Variants in ELOF1 observed in about 807,000 individuals in gnomAD.
ELOF1 encodes transcription elongation factor 1 homolog.
A neutral mutation model predicts 7.1 loss-of-function variants in ELOF1; 4 were observed. That is an observed-to-expected ratio of 0.56 (90% confidence interval 0.28 to 1.29). The LOEUF (loss-of-function observed/expected upper bound fraction) is 1.29, where lower values mean the gene tolerates loss of function less well. Ranked by LOEUF, ELOF1 falls within the 50% of genes most tolerant of loss-of-function variation. The probability of loss-of-function intolerance (pLI) is 0.10; values close to 1 mark genes in which losing one functional copy is unlikely to be tolerated. For synonymous variants in ELOF1, 31 were observed against 31.9 expected (o/e 0.97, Z 0.09); for missense variants, 59 against 86.3 (o/e 0.68, Z 1.25).
In ELOF1 at chr19:11,553,759, G is replaced by A. The variant is rs372431965; in HGVS notation, c.187+252C>T. On this transcript the variant is annotated intron_variant, in intron 3 of 3. Transcript: ENST00000586683. Reference sequence around the variant, plus strand: ...TCCTCTGTGTCGCTACTGATTGGCCGCCTCGCAGGCGTCTATCCAATCACT... The same window carrying A: ...TCCTCTGTGTCGCTACTGATTGGCCACCTCGCAGGCGTCTATCCAATCACT... 55 of 1,614,070 alleles carry A rather than the reference G, an allele frequency of 3.4e-5. 1 individual carries two copies. The highest frequency in any genetic ancestry group is 2.7e-4 in the South Asian group (25 of 91,096).
intron 1 of ELOF1, among the ~76,000 whole-genome samples, chr19:11,558,282 AT>A (rs1298068121): frequency 6.6e-6 from 1 of 151,822 alleles, no homozygotes; most frequent in African/African-American, 2.4e-5. Context: ...CGCCCAGCTA[AT>A]TTTTGTATTT....
At chr19:11,557,037 T>C (rs778144765) in intron 1 of ELOF1, among the ~76,000 whole-genome samples, 12 of 152,218 alleles carry the variant, frequency 7.9e-5, no homozygotes, top group Non-Finnish European at 8.8e-5. Context: ...CTTCCAGCTA[T>C]GATCCTTTTC....
intron 3 of ELOF1, 42 bp from the exon 4 acceptor site, chr19:11,553,852 C>G (rs1243278772): frequency 6.2e-7 from 1 of 1,613,194 alleles, no homozygotes; most frequent in South Asian, 1.1e-5. Flanking sequence ...CATTGGAACC[C>G]TGCCCTGCAT....
chr19:11,558,015 T>C (rs1017211685), intron 1 of ELOF1, among the ~76,000 whole-genome samples: 3 of 152,124 alleles, frequency 2.0e-5, no homozygotes, highest in African/African-American at 7.2e-5. Context: ...CAGACTCTGA[T>C]CTATCTGCCT....
exon 2 of ELOF1, chr19:11,554,311 T>G (rs140836187): frequency 6.2e-7 from 1 of 1,613,820 alleles, no homozygotes; most frequent in African/African-American, 1.3e-5. Flanking sequence ...ATCTTCTTCT[T>G]GGGAGGCGGC....
chr19:11,555,554 T>C (rs1333600751), intron 1 of ELOF1: 1 of 152,408 alleles, frequency 6.6e-6, no homozygotes, highest in Admixed American at 6.6e-5. Flanking sequence ...GGTTATCTGA[T>C]GGCCTCGATC....
chr19:11,558,121 TTCC>T (rs1480236416), intron 1 of ELOF1, among the ~76,000 whole-genome samples: 1 of 152,184 alleles, frequency 6.6e-6, no homozygotes, highest in Non-Finnish European at 1.5e-5. Context: ...TCTTCCAGTC[TTCC>T]TCATCTCAGC....
At chr19:11,558,367 C>T (rs1972863826) in intron 1 of ELOF1, among the ~76,000 whole-genome samples, 1 of 151,998 alleles carries the variant, frequency 6.6e-6, no homozygotes, top group Non-Finnish European at 1.5e-5. Flanking sequence ...ACTCCCGCCT[C>T]GGCCTCCCAA....
intron 3 of ELOF1, chr19:11,553,660 T>C (rs1599617789): frequency 2.0e-6 from 3 of 1,506,400 alleles, no homozygotes; most frequent in South Asian, 1.2e-5. Flanking sequence ...ACCCACACCC[T>C]GGACCCCTGG....
At chr19:11,553,572 GCACACCCACTACACACACA>G in intron 3 of ELOF1, 1 of 708,956 alleles carries the variant, frequency 1.4e-6, no homozygotes, top group Non-Finnish European at 2.3e-6. Flanking sequence ...ACACCCACAC[GCACACCCACTACACACACA>G]CACACACACA....
At chr19:11,553,550 TCACTCACACC>T (rs966143933) in intron 3 of ELOF1, 13 of 599,578 alleles carry the variant, frequency 2.2e-5, no homozygotes, top group African/African-American at 1.8e-4. Context: ...ACACCCACAC[TCACTCACACC>T]CACACCCACA....
chr19:11,553,545 C>A, intron 3 of ELOF1: 1 of 655,534 alleles, frequency 1.5e-6, no homozygotes, highest in Non-Finnish European at 2.6e-6. Context: ...CACACACACC[C>A]ACACTCACTC....
intron 2 of ELOF1, 51 bp from the exon 3 acceptor site, chr19:11,554,132 G>A (rs778038400): frequency 6.2e-7 from 1 of 1,614,064 alleles, no homozygotes; most frequent in Admixed American, 1.7e-5. Flanking sequence ...CTGGGCCTGT[G>A]GGTGATGACG....
intron 3 of ELOF1, chr19:11,553,071 G>A (rs1972750458): frequency 2.5e-6 from 1 of 399,954 alleles, no homozygotes; most frequent in African/African-American, 2.1e-5. Flanking sequence ...TTATTTAAGG[G>A]CTTGTGATTG....
chr19:11,556,294 C>T (rs1972832662), intron 1 of ELOF1, among the ~76,000 whole-genome samples: 1 of 151,950 alleles, frequency 6.6e-6, no homozygotes, highest in African/African-American at 2.4e-5. Flanking sequence ...CTATGTAATA[C>T]CCCCAACTCT....
intron 1 of ELOF1, 107 bp from the exon 2 acceptor site, chr19:11,554,472 C>G: frequency 6.8e-7 from 1 of 1,466,744 alleles, no homozygotes; most frequent in Non-Finnish European, 9.1e-7. Context: ...CACCGTGGTC[C>G]CGGGGCCTCT....
At chr19:11,554,158 G>T (rs1452698371) in intron 2 of ELOF1, 74 bp downstream of exon 2, 21 of 1,613,976 alleles carry the variant, frequency 1.3e-5, no homozygotes, top group Non-Finnish European at 1.8e-5. Flanking sequence ...ACCAAGGGAG[G>T]CAAGGGGCAG....
intron 1 of ELOF1, among the ~76,000 whole-genome samples, chr19:11,557,971 G>A (rs1972857352): frequency 1.3e-5 from 2 of 152,128 alleles, no homozygotes; most frequent in African/African-American, 4.8e-5. Flanking sequence ...TCTACACTGA[G>A]GCCACCTGCT....
intron 3 of ELOF1, 98 bp downstream of exon 3, chr19:11,553,913 T>C: frequency 6.2e-7 from 1 of 1,610,398 alleles, no homozygotes; most frequent in Non-Finnish European, 8.5e-7. Context: ...CTGGACGGCT[T>C]TGGCCCTGCA....
Sources: allele counts gnomAD v4.1 joint callset (sites outside exome capture counted in the v4.1 genomes callset), GRCh38; gene constraint gnomAD v4.1.1; transcripts MANE v1.5; gene names NCBI Gene and HGNC (gene_info 2026-07-23, HGNC 2026-07-21).